The following LIN52 variants were observed in gnomAD, a reference collection of about 807,000 sequenced individuals.
The protein encoded by LIN52 is lin-52 DREAM MuvB core complex component.
In LIN52, 4 loss-of-function variants were observed where a neutral mutation model predicts 18.5. That is an observed-to-expected ratio of 0.22 (90% CI 0.11 to 0.49). LIN52 has a LOEUF of 0.49. Ranked by LOEUF, LIN52 falls within the 20% of genes least tolerant of loss-of-function variation. LIN52 has a pLI of 0.97. For synonymous variants in LIN52, 34 were observed against 45.5 expected (o/e 0.75, Z 1.02); for missense variants, 102 against 139.5 (o/e 0.73, Z 1.35).
rs573366014 is a variant in LIN52, at chr14:74,131,574, C to T, written c.283+30336C>T. On this transcript the variant is annotated intron_variant, in intron 5 of 5. Transcript: ENST00000555028. ...ACCTCAGGTGATCCGCTTTGACCTC[C>T]CAAAGTGCTGGGATTACAGGCGTGA... Among the ~76,000 whole-genome samples, 21 of 152,284 alleles carry T rather than the reference C, an allele frequency of 1.4e-4. No homozygotes were observed. In the South Asian group the frequency reaches 4.3e-3, roughly 32 times the overall value.
chr14:74,171,018 CA>C lies in LIN52; in HGVS notation c.284-27887del, dbSNP rs11424527. Among the ~76,000 whole-genome samples, 525 of 123,486 alleles carry C rather than the reference CA, an allele frequency of 4.3e-3. 2 individuals carry two copies. The highest frequency in any genetic ancestry group is 0.02 in the South Asian group (78 of 3,890). 81.0% of individuals were successfully genotyped at this position (123,486 alleles called of 152,430 possible). ...CAACATAGTGAGACTCCGTCTGTAC[CA>C]AAAAAAAAAAAAAAAATTAGCTTGG... On this transcript the variant is annotated intron_variant, in intron 5 of 5. Transcript: ENST00000555028.
intron 2 of LIN52, among the ~76,000 whole-genome samples, chr14:74,092,676 G>A (rs1450676596): frequency 6.6e-6 from 1 of 151,586 alleles, no homozygotes; most frequent in Admixed American, 6.6e-5. Flanking sequence ...CAGCACTTTG[G>A]GAGGCCAATG....
At chr14:74,118,008 G>A (rs1245064179) in intron 5 of LIN52, among the ~76,000 whole-genome samples, 3 of 152,214 alleles carry the variant, frequency 2.0e-5, no homozygotes, top group Admixed American at 1.3e-4. Context: ...TATTGTAGGA[G>A]GACACGTTTA....
chr14:74,171,824 C>T (rs978763011), intron 5 of LIN52, among the ~76,000 whole-genome samples: 2 of 150,414 alleles, frequency 1.3e-5, no homozygotes, highest in South Asian at 4.2e-4. Flanking sequence ...CTGCAACCTC[C>T]ACCTCCCAGG....
chr14:74,166,305 C>T (rs1433972885), intron 5 of LIN52, among the ~76,000 whole-genome samples: 1 of 152,198 alleles, frequency 6.6e-6, no homozygotes, highest in East Asian at 1.9e-4. Flanking sequence ...CAACCTCCGC[C>T]TCCTGACTTC....
intron 5 of LIN52, among the ~76,000 whole-genome samples, chr14:74,101,822 T>A (rs1305350337): frequency 1.3e-5 from 2 of 152,160 alleles, no homozygotes; most frequent in African/African-American, 4.8e-5. Context: ...CATTTTTAAA[T>A]AGACAGAGTC....
intron 5 of LIN52, among the ~76,000 whole-genome samples, chr14:74,150,123 C>T (rs893433211): frequency 1.3e-5 from 2 of 152,118 alleles, no homozygotes; most frequent in Non-Finnish European, 2.9e-5. Flanking sequence ...ACTGATCATA[C>T]CTCTACCCTA....
intron 5 of LIN52, among the ~76,000 whole-genome samples, chr14:74,187,392 T>C (rs868073510): frequency 6.6e-6 from 1 of 152,168 alleles, no homozygotes; most frequent in African/African-American, 2.4e-5. Context: ...CAGAAATACA[T>C]ATTTTTTTTT....
chr14:74,114,419 A>T, intron 5 of LIN52: 1 of 985,422 alleles, frequency 1.0e-6, no homozygotes, highest in Non-Finnish European at 1.2e-6. Flanking sequence ...TGAATGGATG[A>T]TGGCAGTGAG....
chr14:74,180,462 G>C, intron 5 of LIN52, among the ~76,000 whole-genome samples: 1 of 151,686 alleles, frequency 6.6e-6, no homozygotes, highest in Non-Finnish European at 1.5e-5. Flanking sequence ...AGTAGAGATG[G>C]GGTTTCACCG....
intron 5 of LIN52, among the ~76,000 whole-genome samples, chr14:74,126,686 T>C (rs1257664780): frequency 6.6e-6 from 1 of 152,184 alleles, no homozygotes; most frequent in Non-Finnish European, 1.5e-5. Flanking sequence ...GGTAGGTAGA[T>C]CCAGAAGACA....
chr14:74,144,529 C>T (rs1203477603), intron 5 of LIN52, among the ~76,000 whole-genome samples: 1 of 152,078 alleles, frequency 6.6e-6, no homozygotes, highest in Non-Finnish European at 1.5e-5. Flanking sequence ...GATTGTCTTC[C>T]CTTAGCAAAT....
chr14:74,107,743 T>C (rs536802672), intron 5 of LIN52, among the ~76,000 whole-genome samples: 11 of 152,340 alleles, frequency 7.2e-5, no homozygotes, highest in African/African-American at 2.2e-4. Context: ...TTACTAGCTA[T>C]CTTTGAAATA....
chr14:74,090,519 T>C (rs1432450831), intron 1 of LIN52, among the ~76,000 whole-genome samples: 1 of 151,184 alleles, frequency 6.6e-6, no homozygotes, highest in East Asian at 1.9e-4. Flanking sequence ...GTATTTTTAG[T>C]AGAGACAGGG....
chr14:74,095,067 A>C (rs995353047), intron 2 of LIN52, among the ~76,000 whole-genome samples: 2 of 146,550 alleles, frequency 1.4e-5, no homozygotes, highest in African/African-American at 2.6e-5. Context: ...GCAGCCTCCA[A>C]CTCCTGAGTT....
chr14:74,114,321 G>C (rs2060950522), intron 5 of LIN52: 1 of 985,246 alleles, frequency 1.0e-6, no homozygotes, highest in African/African-American at 1.7e-5. Flanking sequence ...CACACCTTTA[G>C]GAGGCATTGG....
At chr14:74,095,838 CTT>C (rs10587416) in intron 2 of LIN52, 108 bp from the exon 3 acceptor site, 19,213 of 658,402 alleles carry the variant, frequency 0.029, 631 homozygotes, top group African/African-American at 0.12. Context: ...TATTCTTTCT[CTT>C]CTTCTAAACT....
intron 5 of LIN52, among the ~76,000 whole-genome samples, chr14:74,179,711 CT>C (rs1205931858): frequency 4.0e-5 from 6 of 150,650 alleles, no homozygotes; most frequent in Non-Finnish European, 7.4e-5. Context: ...GCTAAATGTT[CT>C]CATTTTTCCT....
chr14:74,094,273 T>TTA (rs2060793224), intron 2 of LIN52, among the ~76,000 whole-genome samples: 1 of 151,662 alleles, frequency 6.6e-6, no homozygotes, highest in Non-Finnish European at 1.5e-5. Flanking sequence ...TTTTTTTTTT[T>TTA]AATTTGAGCA....
Sources: gnomAD v4.1 joint callset for allele counts (sites outside exome capture counted in the v4.1 genomes callset) on GRCh38, gnomAD v4.1.1 for gene constraint, MANE v1.5 for transcripts, NCBI Gene and HGNC (gene_info 2026-07-23, HGNC 2026-07-21) for gene names.